The following NAV3 variants were observed in gnomAD, a reference collection of about 807,000 sequenced individuals.
The protein encoded by NAV3 is pore membrane and/or filament interacting like protein 1.
In NAV3, 87 loss-of-function variants were observed where a neutral mutation model predicts 244.7. The observed-to-expected ratio is 0.36, with a 90% confidence interval of 0.30 to 0.42. The LOEUF (loss-of-function observed/expected upper bound fraction) is 0.42, where lower values mean the gene tolerates loss of function less well. NAV3 is among the 20% of genes least tolerant of loss of function. NAV3 has a pLI of 1.00. For synonymous variants in NAV3, 1,126 were observed against 1,042.2 expected, an observed-to-expected ratio of 1.08 and a Z score of -1.55; for missense variants, 2,663 against 2,893.3, an observed-to-expected ratio of 0.92 and a Z score of 1.83.
chr12:78,113,186 C>A (rs920340742), intron 12 of NAV3, among the ~76,000 whole-genome samples: 2 of 152,224 alleles, frequency 1.3e-5, no homozygotes, highest in African/African-American at 4.8e-5. Context: ...CTTTTACAAG[C>A]TAGTGTTGAG....
At chr12:77,816,624 C>T (rs559794874) in intron 2 of NAV3, among the ~76,000 whole-genome samples, 4 of 152,242 alleles carry the variant, frequency 2.6e-5, no homozygotes, top group East Asian at 3.9e-4. Flanking sequence ...CTATCATCTG[C>T]GGCCACCTCT....
chr12:78,162,885 A>ATATATAATATATATATAAATATATATAT lies in NAV3; in HGVS notation c.4869+3620_4869+3647dup, dbSNP rs1367891710. The stretch of plus-strand genomic sequence containing the variant: ...TCAAAAAAAAATATATATATATAAT[A>ATATATAATATATATATAAATATATATAT]TATATAATATATATATAAATATATA... On this transcript the variant is annotated intron_variant, in intron 23 of 39. Transcript: ENST00000397909. 8.8e-3 allele frequency among the ~76,000 whole-genome samples: 1,115 copies of ATATATAATATATATATAAATATATATAT among 127,172 alleles called. 16 individuals carry two copies. Among genetic ancestry groups the ATATATAATATATATATAAATATATATAT allele is most frequent in the African/African-American group, 0.027 (955 of 35,092 alleles). The allele number at this position is 127,172 out of a possible 152,430, so 83.4% of individuals were successfully genotyped here. A position where few individuals can be genotyped will look rare whatever the true frequency, so the allele number is the denominator to read the frequency against.
rs759226222 is a variant in NAV3, at chr12:78,006,434, C to T, written c.896C>T (p.Pro299Leu). Residue 299 changes from proline to leucine, a missense_variant, in exon 8 of 40, where the codon CCT becomes CTT. Physicochemically the swap from Pro to Leu is moderately conservative, Grantham distance 98. Coordinates refer to ENST00000397909, the MANE Select transcript of NAV3 (RefSeq NM_001024383.2). ...CAATGTCCAGATTCCTCCAAAGGAC[C>T]TCAATCGTCTTCAGGTGTAAATGGT... ...NGNEKDSSKG[P>L]QSSSGVNGNV... The T allele has an allele frequency of 6.2e-7, 1 of 1,613,384 alleles. No individual in the cohort carries two copies. Among genetic ancestry groups the T allele is most frequent in the East Asian group, 2.2e-5 (1 of 44,860 alleles).
intron 2 of NAV3, among the ~76,000 whole-genome samples, chr12:77,579,637 T>G (rs1869256877): frequency 6.6e-6 from 1 of 152,222 alleles, no homozygotes; most frequent in East Asian, 1.9e-4. Context: ...CAATTAAATT[T>G]CAACAGGAGT....
At position 78,212,880 on chromosome 12, in the gene NAV3, A is replaced by G. The variant is rs770489262; in HGVS notation, c.*2363A>G. 2.8e-4 allele frequency: 43 copies of G among 152,722 alleles called. No individual in the cohort carries two copies. Among genetic ancestry groups the G allele is most frequent in the South Asian group, 2.1e-3 (10 of 4,824 alleles). The allele number at this position is 152,722 out of a possible 1,614,324, so 9.5% of individuals were successfully genotyped here. A position where few individuals can be genotyped will look rare whatever the true frequency, so the allele number is the denominator to read the frequency against. ...ACTTGGTGTCAATGGACTTAACTGG[A>G]TGATGTATTTTCTATTGGTTTATTG... On this transcript the variant is annotated 3_prime_UTR_variant, in exon 40 of 40. Transcript: ENST00000397909.
Position 77,831,636 on chromosome 12 carries a change from A to C in NAV3, c.175A>C (p.Lys59Gln), listed in dbSNP as rs747682850. Residue 59 changes from lysine to glutamine, a missense_variant, in exon 1 of 40, where the codon AAA becomes CAA. By Grantham distance (53) the Lys-to-Gln change is moderately conservative (BLOSUM62 1). Transcript: ENST00000397909. ...SSMLSCQLAL[K>Q]STCEFGEKKP... ...CATGCTTTCTTGTCAGCTTGCGTTA[A>C]AATCAACCTGTGAATTTGGAGAGAA... 3.1e-6 allele frequency: 5 copies of C among 1,614,038 alleles called. No individual in the cohort carries two copies. The Admixed American group carries it at 8.3e-5, about 27-fold the overall frequency.
chr12:77,977,683 T>G (rs1868703948), intron 5 of NAV3, among the ~76,000 whole-genome samples: 1 of 104,724 alleles, frequency 9.5e-6, no homozygotes, highest in South Asian at 3.6e-4. Context: ...ATAGGAGATA[T>G]ATATATACAC....
chr12:77,739,934 C>G (rs1341505699), intron 2 of NAV3, among the ~76,000 whole-genome samples: 1 of 152,080 alleles, frequency 6.6e-6, no homozygotes, highest in Admixed American at 6.5e-5. Flanking sequence ...AATTTTTTCG[C>G]TATAAATTTA....
chr12:77,594,760 C>G (rs143690766), intron 2 of NAV3, among the ~76,000 whole-genome samples: 1 of 152,176 alleles, frequency 6.6e-6, no homozygotes, highest in South Asian at 2.1e-4. Flanking sequence ...CATTTTACTT[C>G]ATAGAATTTG....
Position 78,185,600 on chromosome 12 carries a change from G to A in NAV3, c.5693-1G>A. On this transcript the variant is annotated splice_acceptor_variant, in intron 30 of 39. Coordinates refer to ENST00000397909, the MANE Select transcript of NAV3 (RefSeq NM_001024383.2). LOFTEE classifies it high-confidence loss of function. Reference sequence around the variant, plus strand: ...TATGTCTTTCTTTTAAAATTTGATAGATATTTTGCTAGATGATGCTGGTGA... The same window carrying A: ...TATGTCTTTCTTTTAAAATTTGATAAATATTTTGCTAGATGATGCTGGTGA... 1 of 1,606,926 alleles carries A rather than the reference G, an allele frequency of 6.2e-7. No homozygotes were observed. Among genetic ancestry groups the A allele is most frequent in the South Asian group, 1.1e-5 (1 of 90,814 alleles).
chr12:77,934,233 G>A (rs564872545), intron 1 of NAV3, among the ~76,000 whole-genome samples: 28 of 152,164 alleles, frequency 1.8e-4, no homozygotes, highest in African/African-American at 5.1e-4. Flanking sequence ...ATGAGTGCCC[G>A]AAGGTAGGAT....
chr12:77,808,768 T>G (rs1352063378), intron 2 of NAV3, among the ~76,000 whole-genome samples: 1 of 152,212 alleles, frequency 6.6e-6, no homozygotes, highest in Non-Finnish European at 1.5e-5. Context: ...GCTGAAGTTG[T>G]GCCCATAGCC....
intron 2 of NAV3, among the ~76,000 whole-genome samples, chr12:77,777,612 T>C (rs1394205715): frequency 1.3e-5 from 2 of 152,132 alleles, no homozygotes; most frequent in Admixed American, 1.3e-4. Context: ...TGAGCTGAGA[T>C]TGACCATGGA....
Position 78,167,848 on chromosome 12 carries a change from T to G in NAV3, c.4870-907T>G, listed in dbSNP as rs920568175. Among the ~76,000 whole-genome samples the G allele has an allele frequency of 2.0e-5, 3 of 151,622 alleles. No homozygotes were observed. In the Admixed American group the frequency reaches 2.0e-4, roughly 10 times the overall value. ...CTTCTAATGGAAATATGGTCTATAC[T>G]GAAACAATTCTCAGTTCTTTTTCTT... On this transcript the variant is annotated intron_variant, in intron 23 of 39. Transcript: ENST00000397909.
At chr12:78,177,792 T>A (rs1593919968) in intron 28 of NAV3, 107 bp downstream of exon 28, 1 of 927,844 alleles carries the variant, frequency 1.1e-6, no homozygotes, top group Non-Finnish European at 1.6e-6. Flanking sequence ...CAACAATAAA[T>A]ACCTTCTCTT....
chr12:78,178,865 A>G (rs1958374318), intron 28 of NAV3, among the ~76,000 whole-genome samples: 1 of 152,172 alleles, frequency 6.6e-6, no homozygotes, highest in African/African-American at 2.4e-5. Context: ...TAAAAACACA[A>G]CAAGGATACA....
intron 2 of NAV3, among the ~76,000 whole-genome samples, chr12:77,825,509 T>G (rs1872943134): frequency 6.6e-6 from 1 of 152,150 alleles, no homozygotes; most frequent in African/African-American, 2.4e-5. Context: ...CATATTCTAA[T>G]AAGTTAATGG....
chr12:78,119,950 G>A lies in NAV3; in HGVS notation c.3749+5G>A, dbSNP rs1246486300. The A allele has an allele frequency of 1.9e-6, 3 of 1,601,214 alleles. No homozygotes were observed. The highest frequency in any genetic ancestry group is 2.6e-6 in the Non-Finnish European group (3 of 1,173,334). On this transcript the variant is annotated splice_donor_5th_base_variant and intron_variant, in intron 15 of 39. Transcript: ENST00000397909. ...TGCCTCACCCACATTTCGAAGGTAA[G>A]GATGTATAAAATGATGCTGGAAAAA...
chr12:77,908,720 T>C (rs1203155744), intron 1 of NAV3, among the ~76,000 whole-genome samples: 2 of 152,082 alleles, frequency 1.3e-5, no homozygotes, highest in South Asian at 2.1e-4. Flanking sequence ...TTCACTGCTT[T>C]ACTATTTTCA....
Sources: allele counts gnomAD v4.1 joint callset (sites outside exome capture counted in the v4.1 genomes callset), GRCh38; gene constraint gnomAD v4.1.1; transcripts MANE v1.5; gene names NCBI Gene and HGNC (gene_info 2026-07-23, HGNC 2026-07-21).